Variants in AGO2 observed in about 807,000 individuals in gnomAD.
AGO2 encodes the protein protein argonaute-2.
AGO2 carries 5 observed loss-of-function variants against 102.3 expected under a neutral mutation model. That is an observed-to-expected ratio of 0.05 (90% confidence interval 0.03 to 0.10). The LOEUF is 0.10. Among genes scored for constraint, AGO2 ranks in the 10% least tolerant of loss-of-function variants. AGO2 has a pLI of 1.00. For missense variants in AGO2, 541 were observed against 1,183.7 expected, an observed-to-expected ratio of 0.46 and a Z score of 7.97; for synonymous variants, 449 against 473.1, an observed-to-expected ratio of 0.95 and a Z score of 0.66.
At chr8:140,593,788 T>C (rs904257064) in intron 1 of AGO2, among the ~76,000 whole-genome samples, 21 of 152,132 alleles carry the variant, frequency 1.4e-4, no homozygotes, top group African/African-American at 4.8e-5. Flanking sequence ...ATCCTACAGA[T>C]GTGGTCCGAG....
intron 1 of AGO2, among the ~76,000 whole-genome samples, chr8:140,586,065 G>C (rs897060305): frequency 6.6e-6 from 1 of 152,216 alleles, no homozygotes; most frequent in Non-Finnish European, 1.5e-5. Flanking sequence ...AATGGTTATG[G>C]CAGCATGGCC....
intron 1 of AGO2, among the ~76,000 whole-genome samples, chr8:140,619,010 A>G (rs1004040131): frequency 3.3e-5 from 5 of 151,580 alleles, no homozygotes; most frequent in African/African-American, 1.2e-4. Flanking sequence ...CTGCATGGAA[A>G]CCCCACGGCG....
At chr8:140,549,445 GC>G in intron 11 of AGO2, 147 bp from the exon 12 acceptor site, 1 of 748,292 alleles carries the variant, frequency 1.3e-6, no homozygotes, top group Non-Finnish European at 2.1e-6. Context: ...CCTGAATGAG[GC>G]CAGAATTCAG....
At chr8:140,625,337 C>T (rs1450734764) in intron 1 of AGO2, among the ~76,000 whole-genome samples, 2 of 152,152 alleles carry the variant, frequency 1.3e-5, no homozygotes, top group East Asian at 1.9e-4. Flanking sequence ...AACTCCTGAC[C>T]TCAGGTGATC....
In AGO2 at chr8:140,520,855, G is replaced by A. The variant is rs2072406146; in HGVS notation, c.*11189C>T. 1 of 152,126 alleles carries A rather than the reference G, an allele frequency of 6.6e-6. No homozygotes were observed. The highest frequency in any genetic ancestry group is 2.1e-4 in the South Asian group (1 of 4,830). The allele number at this position is 152,126 out of a possible 1,614,324, so 9.4% of individuals were successfully genotyped here. A position where few individuals can be genotyped will look rare whatever the true frequency, so the allele number is the denominator to read the frequency against. ...ATAAACACAGTGTCTGCCTCCTCAG[G>A]TGTATTTGGCTAAAGTATTATTCTA... On this transcript the variant is annotated 3_prime_UTR_variant, in exon 19 of 19. Coordinates refer to ENST00000220592, the MANE Select transcript of AGO2 (RefSeq NM_012154.5).
intron 1 of AGO2, among the ~76,000 whole-genome samples, chr8:140,631,177 G>A (rs1364802025): frequency 6.6e-6 from 1 of 152,178 alleles, no homozygotes; most frequent in Non-Finnish European, 1.5e-5. Context: ...GAGCAATGGG[G>A]CTCTTTCTAA....
At chr8:140,615,465 G>A (rs557547655) in intron 1 of AGO2, among the ~76,000 whole-genome samples, 14 of 152,298 alleles carry the variant, frequency 9.2e-5, no homozygotes, top group African/African-American at 3.4e-4. Flanking sequence ...CAGTGTTCTC[G>A]CCCGGCACAC....
At chr8:140,548,314 T>TAAA (rs34521232) in intron 12 of AGO2, among the ~76,000 whole-genome samples, 1 of 121,052 alleles carries the variant, frequency 8.3e-6, no homozygotes, top group Non-Finnish European at 1.7e-5. Context: ...AGCCCTTGTC[T>TAAA]AAAAAAAAAA....
chr8:140,562,251 G>A (rs933305978), intron 4 of AGO2, among the ~76,000 whole-genome samples: 2 of 152,252 alleles, frequency 1.3e-5, no homozygotes, highest in Non-Finnish European at 2.9e-5. Flanking sequence ...GGGCCAGGCC[G>A]AAAATGCTGG....
At chr8:140,605,566 C>A (rs1216025065) in intron 1 of AGO2, among the ~76,000 whole-genome samples, 1 of 152,184 alleles carries the variant, frequency 6.6e-6, no homozygotes, top group African/African-American at 2.4e-5. Context: ...GCAAGGCCAC[C>A]ACTGCTGTCT....
At chr8:140,565,771 G>A (rs983844799) in intron 3 of AGO2, among the ~76,000 whole-genome samples, 1 of 152,124 alleles carries the variant, frequency 6.6e-6, no homozygotes, top group Non-Finnish European at 1.5e-5. Context: ...AGTAGTTTAC[G>A]TTTTGGGGGA....
chr8:140,555,900 C>A lies in AGO2; in HGVS notation c.1265G>T (p.Gly422Val). 1 of 1,613,510 alleles carries A rather than the reference C, an allele frequency of 6.2e-7. No individual in the cohort carries two copies. Among genetic ancestry groups the A allele is most frequent in the Non-Finnish European group, 8.5e-7 (1 of 1,179,916 alleles). Residue 422 changes from glycine to valine, a missense_variant, in exon 10 of 19, where the codon GGC becomes GTC. Gly to Val is a moderately radical substitution (Grantham distance 109). This residue lies in a region of AGO2 where 309 missense variants were observed against 735.1 expected (regional missense o/e 0.42). Transcript: ENST00000220592. ...VLQPPSILYGGRNKAIATPVQ... is the reference protein window; with the variant it reads ...VLQPPSILYGVRNKAIATPVQ... ...TCCCCGCCGCCCCACACGTACCCTGCCCCCGTAGAGGATGGAGGGCGGCTG... is the reference window on the plus strand; with the variant it reads ...TCCCCGCCGCCCCACACGTACCCTGACCCCGTAGAGGATGGAGGGCGGCTG...
rs1260548352 is a variant in AGO2, at chr8:140,562,658, G to A, written c.337-24C>T. ...ACCTGCGAGGATCCAAGGCACACAA[G>A]GTTACTCCCTCCTGCGAAGCCCCAG... On this transcript the variant is annotated intron_variant, in intron 3 of 18. Coordinates refer to ENST00000220592, the MANE Select transcript of AGO2 (RefSeq NM_012154.5). 2.5e-6 allele frequency: 4 copies of A among 1,606,428 alleles called. No individual in the cohort carries two copies. The African/African-American group carries it at 4.0e-5, about 16-fold the overall frequency.
chr8:140,534,026 C>T (rs2072649445), intron 17 of AGO2, among the ~76,000 whole-genome samples: 1 of 152,210 alleles, frequency 6.6e-6, no homozygotes, highest in Non-Finnish European at 1.5e-5. Flanking sequence ...TGACAACAAC[C>T]TGTCCAGCAC....
intron 1 of AGO2, among the ~76,000 whole-genome samples, chr8:140,602,663 G>C (rs1049136654): frequency 6.6e-6 from 1 of 152,154 alleles, no homozygotes; most frequent in South Asian, 2.1e-4. Context: ...AATGAATACA[G>C]CTCCCTGAGG....
chr8:140,625,834 C>A (rs534487314), intron 1 of AGO2, among the ~76,000 whole-genome samples: 4 of 152,326 alleles, frequency 2.6e-5, no homozygotes, highest in South Asian at 4.1e-4. Context: ...GGACCACCCC[C>A]CAAAAAGCTT....
chr8:140,544,089 T>C, intron 14 of AGO2, 124 bp downstream of exon 14: 6 of 1,046,050 alleles, frequency 5.7e-6, no homozygotes, highest in Non-Finnish European at 6.7e-6. Flanking sequence ...CGGCCGTCCC[T>C]ACCGCAGCTT....
intron 1 of AGO2, among the ~76,000 whole-genome samples, chr8:140,616,866 G>A (rs1324207699): frequency 3.3e-5 from 5 of 152,208 alleles, no homozygotes; most frequent in Non-Finnish European, 7.3e-5. Context: ...TCTGTAAGTG[G>A]CCCTCAGGAA....
chr8:140,608,774 TGC>T (rs1564114607), intron 1 of AGO2, among the ~76,000 whole-genome samples: 1 of 152,238 alleles, frequency 6.6e-6, no homozygotes, highest in African/African-American at 2.4e-5. Context: ...GGGGTGTCCC[TGC>T]GAGACCTATT....
Sources: gnomAD v4.1 joint callset for allele counts (sites outside exome capture counted in the v4.1 genomes callset) on GRCh38, gnomAD v4.1.1 for gene constraint, gnomAD v4.1.1 regional missense constraint, MANE v1.5 for transcripts, NCBI Gene and HGNC (gene_info 2026-07-23, HGNC 2026-07-21) for gene names.